NPAS2: variants seen among roughly 807,000 people sequenced by gnomAD.
The protein encoded by NPAS2 is neuronal PAS domain-containing protein 2.
Under a neutral mutation model 107.5 loss-of-function variants are expected in NPAS2, and 23 were observed. That is an observed-to-expected ratio of 0.21 (90% CI 0.15 to 0.30). NPAS2 has a LOEUF of 0.30. NPAS2 is among the 10% of genes least tolerant of loss of function. The probability of loss-of-function intolerance (pLI) is 1.00; values close to 1 mark genes in which losing one functional copy is unlikely to be tolerated. For missense variants in NPAS2, 756 were observed against 1,043.3 expected (o/e 0.72, Z 3.79); for synonymous variants, 403 against 417.5 (o/e 0.97, Z 0.42).
intron 16 of NPAS2, chr2:100,987,011 A>G (rs1677817835): frequency 6.6e-6 from 1 of 152,274 alleles, no homozygotes; most frequent in African/African-American, 2.4e-5. Context: ...ATCTTGGCTC[A>G]CTGCAACCTC....
intron 2 of NPAS2, 67 bp downstream of exon 2, chr2:100,904,853 T>C: frequency 8.4e-7 from 1 of 1,184,004 alleles, no homozygotes; most frequent in Non-Finnish European, 1.2e-6. Flanking sequence ...TGGCAGAATC[T>C]CGCTGGCTTT....
Position 100,925,234 on chromosome 2 carries a change from C to T in NPAS2, c.121C>T (p.Arg41Trp), listed in dbSNP as rs2104895777. Residue 41 changes from arginine (R) to tryptophan (W), a missense_variant, in exon 3 of 21, where the codon CGG (arginine) becomes TGG (tryptophan). Arg to Trp is a moderately radical substitution (Grantham distance 101). Transcript: ENST00000335681. ...ELSSMLPGNT[R>W]KMDKTTVLEK... ...CAGTTCCATGCTCCCTGGCAACACG[C>T]GGAAAATGGACAAAACCACCGTGTT... 3.7e-6 allele frequency: 6 copies of T among 1,614,058 alleles called. No homozygotes were observed. Among genetic ancestry groups the T allele is most frequent in the East Asian group, 2.2e-5 (1 of 44,858 alleles).
At chr2:100,900,456 C>G (rs1681701581) in intron 1 of NPAS2, among the ~76,000 whole-genome samples, 1 of 152,162 alleles carries the variant, frequency 6.6e-6, no homozygotes, top group Non-Finnish European at 1.5e-5. Flanking sequence ...ACTCCTTGTA[C>G]ACTACTGGTG....
At chr2:100,842,478 G>A (rs1280905031) in intron 1 of NPAS2, among the ~76,000 whole-genome samples, 1 of 152,104 alleles carries the variant, frequency 6.6e-6, no homozygotes, top group Non-Finnish European at 1.5e-5. Context: ...GGGTGTCGGG[G>A]CTGCTGCTGC....
chr2:100,932,083 C>G (rs1461580648), intron 3 of NPAS2, among the ~76,000 whole-genome samples: 1 of 152,150 alleles, frequency 6.6e-6, no homozygotes, highest in Non-Finnish European at 1.5e-5. Flanking sequence ...AAACCTCTTA[C>G]TACATGAAAT....
chr2:100,949,722 A>G (rs3739006), intron 7 of NPAS2, among the ~76,000 whole-genome samples: 81,676 of 152,062 alleles, frequency 0.54, 21,976 homozygotes, highest in Middle Eastern at 0.63. Flanking sequence ...CACATTATTC[A>G]TTTATTTATC....
At chr2:100,977,353 G>A (rs1317058722) in intron 14 of NPAS2, among the ~76,000 whole-genome samples, 2 of 152,198 alleles carry the variant, frequency 1.3e-5, no homozygotes, top group East Asian at 3.9e-4. Flanking sequence ...TGATGACACC[G>A]CTAAGAATTA....
At chr2:100,834,678 C>CATTTT (rs1471190759) in intron 1 of NPAS2, among the ~76,000 whole-genome samples, 2 of 151,822 alleles carry the variant, frequency 1.3e-5, no homozygotes, top group Non-Finnish European at 2.9e-5. Context: ...ATCCCTTTAT[C>CATTTT]ATTTTTCTTT....
intron 16 of NPAS2, chr2:100,984,434 A>G (rs959004874): frequency 4.6e-5 from 7 of 152,222 alleles, no homozygotes; most frequent in African/African-American, 1.4e-4. Context: ...GTTGAAGCCT[A>G]ATGGTGATGC....
At position 100,965,478 on chromosome 2, in the gene NPAS2, A is replaced by G. The variant is rs1269709480; in HGVS notation, c.801-182A>G. ...GAAAGGAGTATCTATATGCCAAAAA[A>G]AAAAGCTGAGCCCTTTGGAAAACAC... On this transcript the variant is annotated intron_variant, in intron 9 of 20. Transcript: ENST00000335681. This position sits in a 1 kb window ranked among gnomAD's most constrained non-coding sequence, Gnocchi z 4.3. Among the ~76,000 whole-genome samples the G allele has an allele frequency of 6.6e-6, 1 of 152,184 alleles. No individual in the cohort carries two copies. Among genetic ancestry groups the G allele is most frequent in the South Asian group, 2.1e-4 (1 of 4,830 alleles).
At chr2:100,951,331 T>C (rs373121158) in intron 7 of NPAS2, among the ~76,000 whole-genome samples, 2 of 152,320 alleles carry the variant, frequency 1.3e-5, no homozygotes, top group Admixed American at 6.5e-5. Context: ...ATTCTACTTA[T>C]GGGTATGCAC....
chr2:100,921,033 T>G (rs926946752), intron 2 of NPAS2, among the ~76,000 whole-genome samples: 1 of 152,204 alleles, frequency 6.6e-6, no homozygotes, highest in African/African-American at 2.4e-5. Flanking sequence ...TGTGCTTAGT[T>G]TTTGTGCTAT....
chr2:100,842,779 C>T (rs1677524905), intron 1 of NPAS2, among the ~76,000 whole-genome samples: 1 of 152,176 alleles, frequency 6.6e-6, no homozygotes, highest in Non-Finnish European at 1.5e-5. Context: ...CATGTGGCCC[C>T]ACCAGTGTTG....
chr2:100,859,228 G>A lies in NPAS2; in HGVS notation c.-23+38814G>A, dbSNP rs146035070. ...CAGTGAGCCGAGATCATGCTACTGC[G>A]CTCCAGCCTGGGTGACAGAGCGAGA... On this transcript the variant is annotated intron_variant, in intron 1 of 20. Transcript: ENST00000335681. Among the ~76,000 whole-genome samples, 7 of 152,224 alleles carry A rather than the reference G, an allele frequency of 4.6e-5. No homozygotes were observed. The East Asian group carries it at 7.7e-4, about 17-fold the overall frequency.
At chr2:100,985,240 TTCCATCCG>T (rs1677714110) in intron 16 of NPAS2, 1 of 151,556 alleles carries the variant, frequency 6.6e-6, no homozygotes, top group African/African-American at 2.5e-5. Context: ...CTGTCCATCC[TTCCATCCG>T]TCCTTCCATC....
intron 7 of NPAS2, among the ~76,000 whole-genome samples, chr2:100,961,428 C>T (rs1473827599): frequency 6.6e-6 from 1 of 152,214 alleles, no homozygotes; most frequent in South Asian, 2.1e-4. Context: ...CACCCTTGAT[C>T]ATGCCCTCAG....
chr2:100,860,493 T>G (rs1678871961), intron 1 of NPAS2, among the ~76,000 whole-genome samples: 1 of 152,224 alleles, frequency 6.6e-6, no homozygotes, highest in Admixed American at 6.5e-5. Context: ...TCATCAAGCC[T>G]CACCCACTAG....
chr2:100,829,674 C>T (rs72627415), intron 1 of NPAS2, among the ~76,000 whole-genome samples: 6,693 of 152,210 alleles, frequency 0.044, 404 homozygotes, highest in East Asian at 0.3. Flanking sequence ...ATTACTCTGA[C>T]TAGCACTTCC....
chr2:100,900,665 G>T (rs1365436177), intron 1 of NPAS2, among the ~76,000 whole-genome samples: 1 of 152,112 alleles, frequency 6.6e-6, no homozygotes, highest in Admixed American at 6.5e-5. Flanking sequence ...AGTGGTGTCT[G>T]CCAACCTTCT....
Sources: gnomAD v4.1 joint callset for allele counts (sites outside exome capture counted in the v4.1 genomes callset) on GRCh38, gnomAD v4.1.1 for gene constraint, Gnocchi (gnomAD v3.1) non-coding constraint, MANE v1.5 for transcripts, NCBI Gene and HGNC (gene_info 2026-07-23, HGNC 2026-07-21) for gene names.